Variants in SPOCK3 observed in about 807,000 individuals in gnomAD.
The protein encoded by SPOCK3 is testican-3.
Under a neutral mutation model 56.6 loss-of-function variants are expected in SPOCK3, and 30 were observed. The ratio of observed to expected loss-of-function variants is 0.53; its 90% CI spans 0.40 to 0.72. The LOEUF (loss-of-function observed/expected upper bound fraction) is 0.72. SPOCK3 is among the 30% of genes least tolerant of loss of function. The pLI, the probability that SPOCK3 is intolerant of heterozygous loss-of-function variation, is 0.00. For synonymous variants in SPOCK3, 196 were observed against 183.3 expected (o/e 1.07, Z -0.56); for missense variants, 527 against 530.0 (o/e 0.99, Z 0.06).
intron 4 of SPOCK3, among the ~76,000 whole-genome samples, chr4:166,991,341 T>TTATA (rs1457239888): frequency 1.1e-5 from 1 of 89,528 alleles, no homozygotes; most frequent in African/African-American, 4.1e-5. Flanking sequence ...CTTTTTGTTT[T>TTATA]TATATTTATT....
At chr4:167,089,745 T>C (rs1452462055) in intron 2 of SPOCK3, among the ~76,000 whole-genome samples, 1 of 152,176 alleles carries the variant, frequency 6.6e-6, no homozygotes, top group African/African-American at 2.4e-5. Context: ...AAACAAGATA[T>C]AGAACAGTTC....
chr4:166,983,250 C>G (rs1314658254), intron 4 of SPOCK3, among the ~76,000 whole-genome samples: 1 of 152,032 alleles, frequency 6.6e-6, no homozygotes, highest in Non-Finnish European at 1.5e-5. Flanking sequence ...CACAGCATAG[C>G]ACAGGACTTC....
At chr4:166,987,651 CA>C (rs1196201644) in intron 4 of SPOCK3, among the ~76,000 whole-genome samples, 4 of 152,072 alleles carry the variant, frequency 2.6e-5, no homozygotes, top group Non-Finnish European at 5.9e-5. Context: ...AAAAACTAGA[CA>C]ATAAATTTGG....
At chr4:167,002,663 C>A (rs149308208) in intron 3 of SPOCK3, among the ~76,000 whole-genome samples, 10 of 151,910 alleles carry the variant, frequency 6.6e-5, no homozygotes, top group Non-Finnish European at 1.3e-4. Context: ...ATGTAAATTG[C>A]TACAACATTC....
chr4:166,947,320 T>C (rs566538082), intron 4 of SPOCK3, among the ~76,000 whole-genome samples: 9 of 152,312 alleles, frequency 5.9e-5, no homozygotes, highest in South Asian at 2.1e-4. Context: ...CCTTTTCTAA[T>C]ACTGCACACA....
intron 4 of SPOCK3, among the ~76,000 whole-genome samples, chr4:166,986,831 A>G (rs1049212198): frequency 6.6e-6 from 1 of 152,094 alleles, no homozygotes; most frequent in African/African-American, 2.4e-5. Flanking sequence ...CACAACACAC[A>G]CACATGCACA....
chr4:166,748,949 A>C (rs1180643780), intron 8 of SPOCK3, among the ~76,000 whole-genome samples: 2 of 137,562 alleles, frequency 1.5e-5, no homozygotes, highest in Non-Finnish European at 3.1e-5. Context: ...ACCATCTCAC[A>C]CCAGTTAGAA....
intron 6 of SPOCK3, among the ~76,000 whole-genome samples, chr4:166,793,129 A>G (rs1483461540): frequency 1.3e-5 from 2 of 152,170 alleles, no homozygotes; most frequent in African/African-American, 4.8e-5. Context: ...GTTACTGCAG[A>G]CCAATCCCTT....
Position 166,976,469 on chromosome 4 carries a change from T to C in SPOCK3, c.350+23880A>G, listed in dbSNP as rs1745958306. ...AATGTAACTAGGGGCTTGAATTTTG[T>C]TGTTCCTGAAACTCTCAGTCTTGAC... On this transcript the variant is annotated intron_variant, in intron 4 of 10. Coordinates refer to ENST00000357545, the MANE Select transcript of SPOCK3 (RefSeq NM_001040159.2). 1.3e-5 allele frequency among the ~76,000 whole-genome samples: 2 copies of C among 152,170 alleles called. 1 individual carries two copies. Among genetic ancestry groups the C allele is most frequent in the Admixed American group, 1.3e-4 (2 of 15,276 alleles).
intron 2 of SPOCK3, among the ~76,000 whole-genome samples, chr4:167,104,497 A>T (rs1163574503): frequency 2.6e-5 from 4 of 152,150 alleles, no homozygotes; most frequent in Non-Finnish European, 5.9e-5. Flanking sequence ...GAGAAGAAAG[A>T]ATTAATGAGC....
At chr4:167,214,266 G>A (rs1396336094) in intron 2 of SPOCK3, among the ~76,000 whole-genome samples, 1 of 152,008 alleles carries the variant, frequency 6.6e-6, no homozygotes, top group Non-Finnish European at 1.5e-5. Context: ...GTAGTTTAAA[G>A]AATAAAATAC....
intron 6 of SPOCK3, among the ~76,000 whole-genome samples, chr4:166,802,726 G>A (rs748916395): frequency 2.6e-5 from 4 of 151,928 alleles, no homozygotes; most frequent in Admixed American, 6.6e-5. Flanking sequence ...AGGTTAGCCT[G>A]GTAAATGAAG....
At chr4:167,136,413 A>C (rs75411757) in intron 2 of SPOCK3, among the ~76,000 whole-genome samples, 2,273 of 152,230 alleles carry the variant, frequency 0.015, 63 homozygotes, top group African/African-American at 0.051. Context: ...TATTTCTGTA[A>C]AAAGAACAAC....
At position 166,754,579 on chromosome 4, in the gene SPOCK3, T is replaced by G. The variant is rs1188829992; in HGVS notation, c.860A>C (p.Asn287Thr). Residue 287 changes from asparagine to threonine, a missense_variant, in exon 8 of 11, where the codon AAT (asparagine) becomes ACT (threonine). Transcript: ENST00000357545. ...ACTGTCCTTGTATGTGTCACAAGAATTGAAGAATGCCTTGGTACACTGTTC... is the reference window on the plus strand; with the variant it reads ...ACTGTCCTTGTATGTGTCACAAGAAGTGAAGAATGCCTTGGTACACTGTTC... ...KNEQCTKAFFNSCDTYKDSLI... is the reference protein window; with the variant it reads ...KNEQCTKAFFTSCDTYKDSLI... 1 of 1,613,676 alleles carries G rather than the reference T, an allele frequency of 6.2e-7. No homozygotes were observed. The highest frequency in any genetic ancestry group is 8.5e-7 in the Non-Finnish European group (1 of 1,179,718).
In SPOCK3 at chr4:166,937,769, T is replaced by G. The variant is rs575770325; in HGVS notation, c.351-25026A>C. ...CTTTTTTCTATTTTTTTTTCTTTTT[T>G]TTTTTTGAGACGGAGTGTCACTCTG... On this transcript the variant is annotated intron_variant, in intron 4 of 10. Transcript: ENST00000357545. 5.8e-3 allele frequency among the ~76,000 whole-genome samples: 855 copies of G among 148,366 alleles called. 12 individuals carry two copies. Among genetic ancestry groups the G allele is most frequent in the African/African-American group, 0.02 (804 of 40,538 alleles).
At chr4:166,833,908 T>G (rs984395274) in intron 6 of SPOCK3, among the ~76,000 whole-genome samples, 1 of 152,142 alleles carries the variant, frequency 6.6e-6, no homozygotes, top group Non-Finnish European at 1.5e-5. Flanking sequence ...TCAAGAGCGG[T>G]TTGTTCCTCT....
intron 2 of SPOCK3, among the ~76,000 whole-genome samples, chr4:167,210,803 G>T (rs1580638762): frequency 2.0e-5 from 3 of 152,154 alleles, no homozygotes; most frequent in South Asian, 4.1e-4. Flanking sequence ...AGCAAAATAG[G>T]TAAGTGCAGA....
Position 167,229,122 on chromosome 4 carries a change from T to C in SPOCK3, c.189+4863A>G, listed in dbSNP as rs538347061. On this transcript the variant is annotated intron_variant, in intron 2 of 10. Coordinates refer to ENST00000357545, the MANE Select transcript of SPOCK3 (RefSeq NM_001040159.2). ...GTTTCATAGTGAGAAACACTGAAAATGTACATTTTCATAAGAATTGGATAT... is the reference window on the plus strand; with the variant it reads ...GTTTCATAGTGAGAAACACTGAAAACGTACATTTTCATAAGAATTGGATAT... Among the ~76,000 whole-genome samples, 3 of 152,242 alleles carry C rather than the reference T, an allele frequency of 2.0e-5. No homozygotes were observed. In the East Asian group the frequency reaches 5.8e-4, roughly 29 times the overall value.
chr4:167,200,534 C>T (rs1395878336), intron 2 of SPOCK3, among the ~76,000 whole-genome samples: 2 of 151,822 alleles, frequency 1.3e-5, no homozygotes, highest in African/African-American at 4.8e-5. Flanking sequence ...CATTTCAAAC[C>T]TAAGCATTTT....
Sources: gnomAD v4.1 joint callset for allele counts (sites outside exome capture counted in the v4.1 genomes callset) on GRCh38, gnomAD v4.1.1 for gene constraint, MANE v1.5 for transcripts, NCBI Gene and HGNC (gene_info 2026-07-23, HGNC 2026-07-21) for gene names.